OXR1: variants seen among roughly 807,000 people sequenced by gnomAD.
OXR1 encodes the protein oxidation resistance 1.
Under a neutral mutation model 104.6 loss-of-function variants are expected in OXR1, and 41 were observed. The ratio of observed to expected loss-of-function variants is 0.39; its 90% confidence interval spans 0.31 to 0.51. The LOEUF (loss-of-function observed/expected upper bound fraction) is 0.51, where lower values mean the gene tolerates loss of function less well. Among genes scored for constraint, OXR1 ranks in the 20% least tolerant of loss-of-function variants. The pLI is 0.77. For synonymous variants in OXR1, 348 were observed against 348.4 expected (o/e 1.00, Z 0.01); for missense variants, 955 against 1,031.9 (o/e 0.93, Z 1.02).
Position 106,703,306 on chromosome 8 carries a change from G to A in OXR1, c.860+216G>A, listed in dbSNP as rs140756681. On this transcript the variant is annotated intron_variant, in intron 8 of 16. Coordinates refer to ENST00000517566, the MANE Select transcript of OXR1 (RefSeq NM_001198533.2). Reference sequence around the variant, plus strand: ...ATTTGTATTTGTGTATGTGGTCAGAGAACCAGATATTTGAAAAGTAACCTA... The same window carrying A: ...ATTTGTATTTGTGTATGTGGTCAGAAAACCAGATATTTGAAAAGTAACCTA... Among the ~76,000 whole-genome samples the A allele has an allele frequency of 1.9e-4, 29 of 152,308 alleles. No homozygotes were observed. In the East Asian group the frequency reaches 5.6e-3, roughly 29 times the overall value.
intron 2 of OXR1, among the ~76,000 whole-genome samples, chr8:106,388,699 G>A (rs1586593790): frequency 6.6e-6 from 1 of 152,340 alleles, no homozygotes; most frequent in African/African-American, 2.4e-5. Flanking sequence ...TGGGATTACA[G>A]GCGTGAGCCA....
rs371718815 is a variant in OXR1, at chr8:106,572,709, ATGTC to A, written c.220+53576_220+53579del. ...TCTAGTATCCAATAACGTTTTCTTC[ATGTC>A]TGTCTAAGACATCACTAGAATCACC... is the stretch of plus-strand genomic sequence containing the variant. On this transcript the variant is annotated intron_variant, in intron 3 of 16. Transcript: ENST00000517566. 3.7e-3 allele frequency among the ~76,000 whole-genome samples: 571 copies of A among 152,288 alleles called. 3 individuals are homozygous for A. The highest frequency in any genetic ancestry group is 0.014 in the Middle Eastern group (4 of 294).
At chr8:106,645,162 T>C (rs1057341561) in intron 3 of OXR1, among the ~76,000 whole-genome samples, 4 of 152,220 alleles carry the variant, frequency 2.6e-5, no homozygotes, top group African/African-American at 9.7e-5. Context: ...TGCAGTGTGT[T>C]AGCAGAACTA....
At chr8:106,703,201 T>C in intron 8 of OXR1, 111 bp downstream of exon 8, 1 of 661,104 alleles carries the variant, frequency 1.5e-6, no homozygotes, top group Non-Finnish European at 2.5e-6. Flanking sequence ...TTTTATTTTG[T>C]CAATAATGAA....
chr8:106,450,370 G>C (rs1820244716), intron 2 of OXR1, among the ~76,000 whole-genome samples: 1 of 152,100 alleles, frequency 6.6e-6, no homozygotes, highest in Middle Eastern at 3.2e-3. Context: ...TTTCAGTTTA[G>C]ATTCTTTGTA....
chr8:106,562,862 G>A (rs1020869101), intron 3 of OXR1, among the ~76,000 whole-genome samples: 4 of 152,058 alleles, frequency 2.6e-5, no homozygotes, highest in East Asian at 1.9e-4. Context: ...TTCATATCCC[G>A]CCAAACTAAG....
intron 3 of OXR1, among the ~76,000 whole-genome samples, chr8:106,630,680 A>C (rs1243899919): frequency 6.6e-6 from 1 of 152,254 alleles, no homozygotes; most frequent in Non-Finnish European, 1.5e-5. Context: ...GGTACAAGGA[A>C]GAATATTTAC....
At chr8:106,473,742 T>G (rs952812385) in intron 2 of OXR1, among the ~76,000 whole-genome samples, 59 of 151,576 alleles carry the variant, frequency 3.9e-4, no homozygotes, top group African/African-American at 1.4e-3. Flanking sequence ...AGGTATGAAC[T>G]TGAGCATTTG....
chr8:106,735,727 G>T (rs1184347198), intron 11 of OXR1, among the ~76,000 whole-genome samples: 1 of 152,044 alleles, frequency 6.6e-6, no homozygotes, highest in Non-Finnish European at 1.5e-5. Flanking sequence ...GCATAGAAAA[G>T]CAAGCCCATG....
At position 106,752,198 on chromosome 8, in the gene OXR1, T is replaced by C. The variant is rs983156561; in HGVS notation, c.*1257T>C. On this transcript the variant is annotated 3_prime_UTR_variant, in exon 17 of 17. Transcript: ENST00000517566. ...AATTTCAGCTATTCCAGATAAACATTGTATATCTTGTAAATTAATGTTTAA... is the reference window on the plus strand; with the variant it reads ...AATTTCAGCTATTCCAGATAAACATCGTATATCTTGTAAATTAATGTTTAA... 1 of 131,100 alleles carries C rather than the reference T, an allele frequency of 7.6e-6. No individual in the cohort carries two copies. The highest frequency in any genetic ancestry group is 2.3e-4 in the East Asian group (1 of 4,334). 8.1% of individuals were successfully genotyped at this position (131,100 alleles called of 1,614,324 possible). A position where few individuals can be genotyped will look rare whatever the true frequency, so the allele number is the denominator to read the frequency against.
chr8:106,431,382 A>G (rs1819352892), intron 2 of OXR1, among the ~76,000 whole-genome samples: 2 of 152,220 alleles, frequency 1.3e-5, no homozygotes, highest in South Asian at 4.1e-4. Context: ...TTTTGACTCT[A>G]GTGCCTGTGC....
At chr8:106,607,773 G>A (rs1820510448) in intron 3 of OXR1, among the ~76,000 whole-genome samples, 1 of 151,992 alleles carries the variant, frequency 6.6e-6, no homozygotes, top group African/African-American at 2.4e-5. Context: ...TAATGACCTA[G>A]CAGGTCGATG....
At position 106,745,859 on chromosome 8, in the gene OXR1, G is replaced by A. The variant is rs1835352390; in HGVS notation, c.2483G>A (p.Gly828Glu). The A allele has an allele frequency of 1.3e-6, 2 of 1,557,782 alleles. No individual in the cohort carries two copies. Among genetic ancestry groups the A allele is most frequent in the Non-Finnish European group, 1.8e-6 (2 of 1,130,092 alleles). The stretch of plus-strand genomic sequence containing the variant: ...ATGGATTCACTAGCTTTCGGTGGTG[G>A]AGGGTAAGTCTCTTGAACATTTCAC... Reference protein sequence around the residue: ...GDMDSLAFGGGGGEFALWLDG... With the variant: ...GDMDSLAFGGEGGEFALWLDG... Residue 828 changes from glycine to glutamate, a missense_variant, in exon 16 of 17, where the codon GGA (glycine) becomes GAA (glutamate). Gly to Glu is a moderately conservative substitution (Grantham distance 98). Around this residue, in one of 2 missense-constraint regions of OXR1, gnomAD observed 106 missense variants for 179.0 expected, o/e 0.59. Transcript: ENST00000517566.
chr8:106,325,960 C>T (rs1326735935), intron 1 of OXR1, among the ~76,000 whole-genome samples: 1 of 152,060 alleles, frequency 6.6e-6, no homozygotes, highest in African/African-American at 2.4e-5. Context: ...ATTTTTGTTA[C>T]TTGTAAAAGA....
At chr8:106,508,445 A>C (rs993639321) in intron 2 of OXR1, among the ~76,000 whole-genome samples, 3 of 107,510 alleles carry the variant, frequency 2.8e-5, no homozygotes, top group African/African-American at 7.9e-5. Flanking sequence ...TCTAAGCAGA[A>C]GAAAACTAGA....
At chr8:106,686,859 CT>C (rs1265196370) in intron 6 of OXR1, among the ~76,000 whole-genome samples, 2 of 151,898 alleles carry the variant, frequency 1.3e-5, no homozygotes, top group African/African-American at 2.4e-5. Context: ...TTATTTTTCA[CT>C]TTTTTTTGTT....
At chr8:106,452,575 C>T (rs1820375503) in intron 2 of OXR1, among the ~76,000 whole-genome samples, 1 of 152,082 alleles carries the variant, frequency 6.6e-6, no homozygotes, top group African/African-American at 2.4e-5. Context: ...TGGAATTATT[C>T]TGAAAATAGG....
chr8:106,550,184 T>C (rs973313880), intron 3 of OXR1, among the ~76,000 whole-genome samples: 1 of 152,208 alleles, frequency 6.6e-6, no homozygotes, highest in Non-Finnish European at 1.5e-5. Context: ...CTACTGGTAA[T>C]GGACTCATCA....
intron 3 of OXR1, among the ~76,000 whole-genome samples, chr8:106,589,915 C>T (rs920191072): frequency 1.3e-5 from 2 of 152,178 alleles, no homozygotes; most frequent in African/African-American, 2.4e-5. Flanking sequence ...GACCCGCCCA[C>T]CTCAGCCTCC....
Sources: gnomAD v4.1 joint callset for allele counts (sites outside exome capture counted in the v4.1 genomes callset) on GRCh38, gnomAD v4.1.1 for gene constraint, gnomAD v4.1.1 regional missense constraint, MANE v1.5 for transcripts, NCBI Gene and HGNC (gene_info 2026-07-23, HGNC 2026-07-21) for gene names.